TMEM26: variants seen among roughly 807,000 people sequenced by gnomAD.
TMEM26 encodes transmembrane protein 26.
In TMEM26, 38 loss-of-function variants were observed where a neutral mutation model predicts 28.8. The ratio of observed to expected loss-of-function variants is 1.32; its 90% confidence interval spans 1.02 to 1.73. TMEM26 has a LOEUF of 1.73. Ranked by LOEUF, TMEM26 falls within the 40% of genes most tolerant of loss-of-function variation. The pLI is 0.00. For missense variants in TMEM26, 518 were observed against 447.1 expected, an observed-to-expected ratio of 1.16 and a Z score of -1.43; for synonymous variants, 227 against 182.9, an observed-to-expected ratio of 1.24 and a Z score of -1.95.
In TMEM26 at chr10:61,410,524, T is replaced by A. The variant is rs780875218; in HGVS notation, c.905A>T (p.Tyr302Phe). The change falls in exon 6 of 6, where the codon TAC becomes TTC. Residue 302 changes from tyrosine (Y) to phenylalanine (F), a missense_variant. Physicochemically the swap from Tyr to Phe is conservative, Grantham distance 22. Coordinates refer to ENST00000399298, the MANE Select transcript of TMEM26 (RefSeq NM_178505.8). ...TGCCAATGCCAGCACCACCAAGCGG[T>A]AGAGTTGCAACACCACCACGAGGAA... ...KNFLVVVLQLYRLVVLALAVR... is the reference protein window; with the variant it reads ...KNFLVVVLQLFRLVVLALAVR... 1 of 1,614,028 alleles carries A rather than the reference T, an allele frequency of 6.2e-7. No homozygotes were observed. The highest frequency in any genetic ancestry group is 1.7e-5 in the Admixed American group (1 of 60,020).
chr10:61,447,011 C>T (rs1840195731), intron 1 of TMEM26, among the ~76,000 whole-genome samples: 1 of 151,922 alleles, frequency 6.6e-6, no homozygotes, highest in African/African-American at 2.4e-5. Context: ...AAATGAGGTA[C>T]ACCTGTAGAA....
At chr10:61,422,041 C>A (rs1470957375) in intron 4 of TMEM26, among the ~76,000 whole-genome samples, 2 of 151,912 alleles carry the variant, frequency 1.3e-5, no homozygotes, top group Non-Finnish European at 2.9e-5. Context: ...AATTGACTTT[C>A]AGAAAAGAAA....
chr10:61,422,092 C>T (rs1315923711), intron 4 of TMEM26, among the ~76,000 whole-genome samples: 2 of 152,028 alleles, frequency 1.3e-5, no homozygotes, highest in Non-Finnish European at 2.9e-5. Flanking sequence ...TAAAATGTTA[C>T]TACATTGGAA....
chr10:61,429,671 A>T (rs1367466784), intron 3 of TMEM26, among the ~76,000 whole-genome samples: 1 of 152,056 alleles, frequency 6.6e-6, no homozygotes, highest in African/African-American at 2.4e-5. Flanking sequence ...GATTACCTAA[A>T]TGTAAAGAAA....
chr10:61,430,737 C>T (rs1294175184), intron 3 of TMEM26, among the ~76,000 whole-genome samples: 2 of 151,940 alleles, frequency 1.3e-5, no homozygotes, highest in African/African-American at 4.8e-5. Flanking sequence ...AAAAATGCCA[C>T]GTAGGTTTAT....
chr10:61,440,316 T>C (rs529880442), intron 1 of TMEM26, among the ~76,000 whole-genome samples: 1 of 152,258 alleles, frequency 6.6e-6, no homozygotes, highest in South Asian at 2.1e-4. Context: ...TCTTGTACTG[T>C]TGAATACAAA....
chr10:61,420,919 A>C (rs775523137), intron 4 of TMEM26, among the ~76,000 whole-genome samples: 1 of 152,108 alleles, frequency 6.6e-6, no homozygotes, highest in Non-Finnish European at 1.5e-5. Context: ...GATATTTTCT[A>C]ATATCTTTTT....
chr10:61,425,093 A>T (rs1164387153), intron 4 of TMEM26, among the ~76,000 whole-genome samples: 2 of 152,182 alleles, frequency 1.3e-5, no homozygotes, highest in Non-Finnish European at 2.9e-5. Flanking sequence ...TAGCCCTCAC[A>T]ATCATGGGGG....
rs1840003708 is a variant in TMEM26 at position 61,436,182 on chromosome 10, G to C, written c.258C>G (p.His86Gln). 6.2e-7 allele frequency: 1 copy of C among 1,604,300 alleles called. No individual in the cohort carries two copies. The highest frequency in any genetic ancestry group is 1.7e-5 in the Admixed American group (1 of 59,694). Residue 86 changes from histidine (H) to glutamine (Q), a missense_variant, in exon 2 of 6, where the codon CAC (histidine) becomes CAG (glutamine). His to Gln is a conservative substitution (Grantham distance 24, BLOSUM62 0). Coordinates refer to ENST00000399298, the MANE Select transcript of TMEM26 (RefSeq NM_178505.8). The stretch of plus-strand genomic sequence containing the variant: ...CAAAAAGAAGTACCTGGGTCTCATG[G>C]TGCAATTCAAGAAGCCATAATGATG... ...IVPSLWLLEL[H>Q]HETQYCSIQA...
chr10:61,417,466 T>C (rs1476198258), intron 4 of TMEM26, among the ~76,000 whole-genome samples: 1 of 82,556 alleles, frequency 1.2e-5, no homozygotes, highest in Non-Finnish European at 3.0e-5. Flanking sequence ...ATTCATCTAG[T>C]TTTTTTTTTT....
In TMEM26 at chr10:61,445,676, A is replaced by T. The variant is rs775964807; in HGVS notation, c.191+7215T>A. ...ACATTTCATAAAGTGCCTACATTAA[A>T]TTTTTTTTTAAAAAAAAGGAAAGAA... is the stretch of plus-strand genomic sequence containing the variant. On this transcript the variant is annotated intron_variant, in intron 1 of 5. Coordinates refer to ENST00000399298, the MANE Select transcript of TMEM26 (RefSeq NM_178505.8). Among the ~76,000 whole-genome samples, 5 of 151,332 alleles carry T rather than the reference A, an allele frequency of 3.3e-5. No individual in the cohort carries two copies. In the South Asian group the frequency reaches 6.2e-4, roughly 19 times the overall value.
intron 1 of TMEM26, among the ~76,000 whole-genome samples, chr10:61,452,078 G>A (rs1224206131): frequency 1.3e-5 from 2 of 152,156 alleles, no homozygotes; most frequent in Non-Finnish European, 2.9e-5. Context: ...TGAACTTCCA[G>A]ATGGATTCCT....
chr10:61,422,070 G>T (rs1839758594), intron 4 of TMEM26, among the ~76,000 whole-genome samples: 1 of 152,030 alleles, frequency 6.6e-6, no homozygotes, highest in South Asian at 2.1e-4. Context: ...AAGAAAAAGT[G>T]ATCATTCATG....
chr10:61,434,915 C>T (rs1225768588), intron 2 of TMEM26, among the ~76,000 whole-genome samples: 4 of 152,140 alleles, frequency 2.6e-5, no homozygotes, highest in Non-Finnish European at 5.9e-5. Context: ...TCCAAATTCT[C>T]GAAGATCTTT....
Position 61,410,214 on chromosome 10 carries a change from T to G in TMEM26, c.*108A>C, listed in dbSNP as rs1839545277. 1 of 1,241,716 alleles carries G rather than the reference T, an allele frequency of 8.1e-7. No homozygotes were observed. The highest frequency in any genetic ancestry group is 1.5e-5 in the African/African-American group (1 of 66,082). The allele number at this position is 1,241,716 out of a possible 1,614,324, so 76.9% of individuals were successfully genotyped here. On this transcript the variant is annotated 3_prime_UTR_variant, in exon 6 of 6. Transcript: ENST00000399298. ...TTGGTTTAAGATCACCTTTTTATGT[T>G]GTTCTTTTGAAAATTATTATACGCC...
At position 61,449,614 on chromosome 10, in the gene TMEM26, C is replaced by T. The variant is rs181630600; in HGVS notation, c.191+3277G>A. On this transcript the variant is annotated intron_variant, in intron 1 of 5. Transcript: ENST00000399298. ...GTAAATTTGAATTAAAAGAACAATA[C>T]TCAAAGTAGCCCAGAGTAGTCCAAA... 1.5e-3 allele frequency among the ~76,000 whole-genome samples: 230 copies of T among 152,278 alleles called. 1 individual carries two copies. Among genetic ancestry groups the T allele is most frequent in the Non-Finnish European group, 1.5e-3 (102 of 68,026 alleles).
At position 61,453,180 on chromosome 10, in the gene TMEM26, T is replaced by A; in HGVS notation, c.-99A>T. 8.1e-7 allele frequency: 1 copy of A among 1,240,110 alleles called. No homozygotes were observed. The highest frequency in any genetic ancestry group is 1.1e-6 in the Non-Finnish European group (1 of 888,012). The allele number at this position is 1,240,110 out of a possible 1,614,324, so 76.8% of individuals were successfully genotyped here. On this transcript the variant is annotated 5_prime_UTR_variant, in exon 1 of 6. Transcript: ENST00000399298. ...CGGTGAGCAGGAATATGACAAGCAC[T>A]GAGACCTGCTGCTGCTTGTGGTCCC... is the stretch of plus-strand genomic sequence containing the variant.
intron 1 of TMEM26, among the ~76,000 whole-genome samples, chr10:61,437,669 C>A (rs1840030313): frequency 6.6e-6 from 1 of 152,064 alleles, no homozygotes; most frequent in African/African-American, 2.4e-5. Context: ...CCTGTAATCC[C>A]ACCTATTCAG....
chr10:61,439,690 A>C (rs1368175815), intron 1 of TMEM26, among the ~76,000 whole-genome samples: 1 of 152,252 alleles, frequency 6.6e-6, no homozygotes, highest in Non-Finnish European at 1.5e-5. Context: ...CCTCATCTGT[A>C]AAATGGGGAA....
Sources: allele counts gnomAD v4.1 joint callset (sites outside exome capture counted in the v4.1 genomes callset), GRCh38; gene constraint gnomAD v4.1.1; transcripts MANE v1.5; gene names NCBI Gene and HGNC (gene_info 2026-07-23, HGNC 2026-07-21).